ROBO1: variants seen among roughly 807,000 people sequenced by gnomAD.
ROBO1 encodes the protein roundabout homolog 1.
In ROBO1, 149 loss-of-function variants were observed where a neutral mutation model predicts 195.9. The observed-to-expected ratio is 0.76, with a 90% CI of 0.67 to 0.87. The LOEUF is 0.87. Ranked by LOEUF, ROBO1 falls within the 40% of genes least tolerant of loss-of-function variation. The pLI, the probability that ROBO1 is intolerant of heterozygous loss-of-function variation, is 0.00. For missense variants in ROBO1, 1,933 were observed against 2,068.3 expected, an observed-to-expected ratio of 0.93 and a Z score of 1.27; for synonymous variants, 816 against 733.2, an observed-to-expected ratio of 1.11 and a Z score of -1.82.
intron 2 of ROBO1, among the ~76,000 whole-genome samples, chr3:79,230,167 C>T (rs2082294888): frequency 6.6e-6 from 1 of 152,118 alleles, no homozygotes; most frequent in African/African-American, 2.4e-5. Flanking sequence ...ACTTTTTGGC[C>T]TATCCAAATT....
chr3:78,876,952 C>T (rs1231187446), intron 4 of ROBO1, among the ~76,000 whole-genome samples: 2 of 151,814 alleles, frequency 1.3e-5, no homozygotes, highest in African/African-American at 4.8e-5. Flanking sequence ...CTAGGTGTGA[C>T]TGCATGAGTT....
intron 8 of ROBO1, among the ~76,000 whole-genome samples, chr3:78,701,354 A>G (rs1255968680): frequency 6.6e-6 from 1 of 152,200 alleles, no homozygotes; most frequent in Non-Finnish European, 1.5e-5. Context: ...TTTCTTATAG[A>G]AACAATGATA....
chr3:78,982,321 T>TTAA (rs1212313079), intron 3 of ROBO1, among the ~76,000 whole-genome samples: 1 of 152,204 alleles, frequency 6.6e-6, no homozygotes, highest in African/African-American at 2.4e-5. Flanking sequence ...CGCCTGCATA[T>TTAA]TAATACCTTT....
rs968548641 is a variant in ROBO1, at chr3:78,598,089, TACTC to T, written c.*820_*823del. ...AGGCCAGTTAAGACAGGGATGTTCTTACTCAATTGGTCATTAAAAACATCCACTT... is the reference window on the plus strand; with the variant it reads ...AGGCCAGTTAAGACAGGGATGTTCTTAATTGGTCATTAAAAACATCCACTT... On this transcript the variant is annotated 3_prime_UTR_variant, in exon 31 of 31. Coordinates refer to ENST00000464233, the MANE Select transcript of ROBO1 (RefSeq NM_002941.4). 5.2e-5 allele frequency: 8 copies of T among 152,590 alleles called. No homozygotes were observed. Among genetic ancestry groups the T allele is most frequent in the African/African-American group, 9.7e-5 (4 of 41,444 alleles). 9.5% of individuals were successfully genotyped at this position (152,590 alleles called of 1,614,324 possible).
At chr3:79,283,437 AC>A (rs2031659735) in intron 2 of ROBO1, among the ~76,000 whole-genome samples, 1 of 152,254 alleles carries the variant, frequency 6.6e-6, no homozygotes, top group East Asian at 1.9e-4. Flanking sequence ...GTACTGTATC[AC>A]ATATCTTCAT....
At chr3:78,623,672 C>G (rs1199405440) in intron 26 of ROBO1, among the ~76,000 whole-genome samples, 3 of 152,112 alleles carry the variant, frequency 2.0e-5, no homozygotes, top group African/African-American at 7.2e-5. Flanking sequence ...GCTGAAGCAA[C>G]AAGACCACTT....
chr3:79,715,784 T>C (rs1702458669), intron 1 of ROBO1, among the ~76,000 whole-genome samples: 1 of 152,148 alleles, frequency 6.6e-6, no homozygotes, highest in Admixed American at 6.6e-5. Context: ...GCCACAATTT[T>C]AATATTTCTT....
Position 79,539,677 on chromosome 3 carries a change from A to C in ROBO1, c.88+50147T>G, listed in dbSNP as rs531585178. Among the ~76,000 whole-genome samples, 7 of 152,226 alleles carry C rather than the reference A, an allele frequency of 4.6e-5. No homozygotes were observed. In the South Asian group the frequency reaches 1.2e-3, roughly 27 times the overall value. ...TTTAGAAAAACAATTAAAAACTTTCAATCTTTGAACTTTATATTAGAATTT... is the reference window on the plus strand; with the variant it reads ...TTTAGAAAAACAATTAAAAACTTTCCATCTTTGAACTTTATATTAGAATTT... On this transcript the variant is annotated intron_variant, in intron 2 of 30. Transcript: ENST00000464233.
At chr3:79,664,325 T>C (rs1032375963) in intron 1 of ROBO1, among the ~76,000 whole-genome samples, 1 of 152,030 alleles carries the variant, frequency 6.6e-6, no homozygotes, top group African/African-American at 2.4e-5. Flanking sequence ...TCGATAAGTC[T>C]GATGTCTTAA....
intron 4 of ROBO1, among the ~76,000 whole-genome samples, chr3:78,908,490 C>T (rs777013071): frequency 1.8e-4 from 28 of 151,800 alleles, no homozygotes; most frequent in Non-Finnish European, 3.7e-4. Context: ...GTCTGAGTAG[C>T]CATTTAAAAT....
intron 4 of ROBO1, among the ~76,000 whole-genome samples, chr3:78,833,193 A>G (rs1399432355): frequency 6.6e-6 from 1 of 152,148 alleles, no homozygotes; most frequent in Non-Finnish European, 1.5e-5. Flanking sequence ...TAAGGGCTCA[A>G]TGCACGGCAA....
At chr3:79,516,702 T>C (rs1254337836) in intron 2 of ROBO1, among the ~76,000 whole-genome samples, 1 of 152,212 alleles carries the variant, frequency 6.6e-6, no homozygotes, top group Non-Finnish European at 1.5e-5. Context: ...TGCTATTTAA[T>C]TGTATGTGTA....
chr3:79,669,245 C>T (rs2106888074), intron 1 of ROBO1, among the ~76,000 whole-genome samples: 1 of 151,676 alleles, frequency 6.6e-6, no homozygotes, highest in East Asian at 2.0e-4. Context: ...CTTTTTTTGC[C>T]TGCTGCCATC....
At chr3:79,681,414 A>T (rs1386561542) in intron 1 of ROBO1, among the ~76,000 whole-genome samples, 2 of 152,148 alleles carry the variant, frequency 1.3e-5, no homozygotes, top group African/African-American at 2.4e-5. Flanking sequence ...TTGAGTATAT[A>T]GAGAATATTA....
intron 4 of ROBO1, among the ~76,000 whole-genome samples, chr3:78,917,378 T>A (rs1231872778): frequency 6.6e-6 from 1 of 152,074 alleles, no homozygotes; most frequent in African/African-American, 2.4e-5. Flanking sequence ...TTACTTATTT[T>A]AAAAATATAA....
intron 4 of ROBO1, among the ~76,000 whole-genome samples, chr3:78,900,932 A>G (rs1182401652): frequency 6.6e-6 from 1 of 152,194 alleles, no homozygotes; most frequent in African/African-American, 2.4e-5. Context: ...ATAGAAAATG[A>G]AATGCAACAC....
chr3:79,402,495 C>T (rs917673397), intron 2 of ROBO1, among the ~76,000 whole-genome samples: 3 of 151,866 alleles, frequency 2.0e-5, no homozygotes, highest in African/African-American at 7.2e-5. Flanking sequence ...GGAAGGAAAA[C>T]TTAATAATTA....
intron 2 of ROBO1, among the ~76,000 whole-genome samples, chr3:79,229,750 A>C (rs955996043): frequency 4.6e-5 from 7 of 152,160 alleles, no homozygotes; most frequent in Admixed American, 6.6e-5. Flanking sequence ...ATTTTGTGAC[A>C]TGATAAAAAT....
chr3:78,781,065 T>C (rs1244795228), intron 4 of ROBO1, among the ~76,000 whole-genome samples: 2 of 152,170 alleles, frequency 1.3e-5, no homozygotes, highest in Non-Finnish European at 2.9e-5. Context: ...CCTCATATAG[T>C]TGAACCCTAA....
Sources: allele counts gnomAD v4.1 joint callset (sites outside exome capture counted in the v4.1 genomes callset), GRCh38; gene constraint gnomAD v4.1.1; transcripts MANE v1.5; gene names NCBI Gene and HGNC (gene_info 2026-07-23, HGNC 2026-07-21).